The following ICA1 variants were observed in gnomAD, a reference collection of about 807,000 sequenced individuals.
ICA1 encodes 69 kDa islet cell autoantigen.
ICA1 carries 40 observed loss-of-function variants against 71.0 expected under a neutral mutation model. That is an observed-to-expected ratio of 0.56 (90% CI 0.44 to 0.73). The LOEUF (loss-of-function observed/expected upper bound fraction) is 0.73. ICA1 is among the 30% of genes least tolerant of loss of function. The pLI is 0.00. For missense variants in ICA1, 578 were observed against 576.5 expected, an observed-to-expected ratio of 1.00 and a Z score of -0.03; for synonymous variants, 207 against 209.5, an observed-to-expected ratio of 0.99 and a Z score of 0.10.
At chr7:8,221,734 G>A (rs1252790806) in intron 4 of ICA1, among the ~76,000 whole-genome samples, 2 of 152,192 alleles carry the variant, frequency 1.3e-5, no homozygotes, top group African/African-American at 4.8e-5. Flanking sequence ...TGTCAAGTAT[G>A]ACTGTGGGAA....
At chr7:8,127,367 C>T (rs530045425) in intron 13 of ICA1, among the ~76,000 whole-genome samples, 7 of 151,972 alleles carry the variant, frequency 4.6e-5, no homozygotes, top group African/African-American at 1.4e-4. Context: ...CCCTGTGTTT[C>T]GGGCAGAACC....
intron 1 of ICA1, among the ~76,000 whole-genome samples, chr7:8,237,357 G>T (rs1196488686): frequency 2.0e-5 from 3 of 152,090 alleles, no homozygotes; most frequent in Admixed American, 1.3e-4. Flanking sequence ...TAAAAAGAGG[G>T]TGTTCAAAGG....
At chr7:8,170,543 A>G (rs1421074712) in intron 6 of ICA1, among the ~76,000 whole-genome samples, 2 of 151,988 alleles carry the variant, frequency 1.3e-5, no homozygotes, top group Non-Finnish European at 2.9e-5. Flanking sequence ...GGTCTTGCAT[A>G]TATTTTGTTA....
At chr7:8,154,428 G>A (rs765055638) in intron 8 of ICA1, among the ~76,000 whole-genome samples, 1 of 152,122 alleles carries the variant, frequency 6.6e-6, no homozygotes, top group Non-Finnish European at 1.5e-5. Flanking sequence ...CTAACAGTCA[G>A]GAAATACAGC....
chr7:8,192,324 G>A (rs779456684), intron 6 of ICA1, among the ~76,000 whole-genome samples: 16 of 152,144 alleles, frequency 1.1e-4, no homozygotes, highest in Non-Finnish European at 2.1e-4. Flanking sequence ...GTATTTTAGA[G>A]AGTGTTCCAC....
chr7:8,256,915 T>C (rs1810426772), intron 1 of ICA1, among the ~76,000 whole-genome samples: 1 of 152,254 alleles, frequency 6.6e-6, no homozygotes, highest in Non-Finnish European at 1.5e-5. Context: ...CCACACATTA[T>C]GAAGGGGATA....
intron 12 of ICA1, among the ~76,000 whole-genome samples, chr7:8,134,505 C>G (rs888168585): frequency 6.6e-6 from 1 of 152,154 alleles, no homozygotes; most frequent in African/African-American, 2.4e-5. Context: ...CCTTCATCTG[C>G]GTGTGAAACA....
At position 8,180,349 on chromosome 7, in the gene ICA1, A is replaced by G. The variant is rs111240284; in HGVS notation, c.580-21697T>C. Among the ~76,000 whole-genome samples the G allele has an allele frequency of 2.1e-3, 318 of 152,268 alleles. 3 individuals are homozygous for G. Among genetic ancestry groups the G allele is most frequent in the African/African-American group, 6.8e-3 (284 of 41,560 alleles). On this transcript the variant is annotated intron_variant, in intron 6 of 13. Transcript: ENST00000402384. ...ACAGTCATCCATAGTACTGCAATAT[A>G]GTAACAGTTCGTTCTTTTTCATTAC...
chr7:8,115,959 T>C (rs1489170962), intron 13 of ICA1, among the ~76,000 whole-genome samples: 2 of 152,240 alleles, frequency 1.3e-5, no homozygotes, highest in Non-Finnish European at 2.9e-5. Context: ...CATACCTTGG[T>C]ATTTCCAACC....
Position 8,255,869 on chromosome 7 carries a change from G to C in ICA1, c.-80+6225C>G, listed in dbSNP as rs548207641. Among the ~76,000 whole-genome samples the C allele has an allele frequency of 1.7e-3, 250 of 148,556 alleles. 1 individual carries two copies. The highest frequency in any genetic ancestry group is 6.1e-3 in the African/African-American group (237 of 39,164). ...GACTCACTGCAGCCCTGACCTGCTG[G>C]GCTCAAGCAATCCTCTTACTTAGCC... On this transcript the variant is annotated intron_variant, in intron 1 of 13. Coordinates refer to ENST00000402384, the MANE Select transcript of ICA1 (RefSeq NM_001136020.3).
intron 5 of ICA1, among the ~76,000 whole-genome samples, chr7:8,220,396 G>A (rs986643588): frequency 2.0e-5 from 3 of 152,168 alleles, no homozygotes; most frequent in African/African-American, 7.2e-5. Flanking sequence ...TGGCCCACAC[G>A]GAGGGAAAGC....
chr7:8,149,474 C>T (rs1343581255), intron 8 of ICA1, among the ~76,000 whole-genome samples: 2 of 152,196 alleles, frequency 1.3e-5, no homozygotes, highest in African/African-American at 4.8e-5. Context: ...AGAGGAAACT[C>T]GCAGATCGAG....
chr7:8,136,849 A>G (rs1191969561), intron 12 of ICA1, among the ~76,000 whole-genome samples: 1 of 152,212 alleles, frequency 6.6e-6, no homozygotes, highest in African/African-American at 2.4e-5. Context: ...ATGAAATATG[A>G]AAGTTGTTTT....
Position 8,246,849 on chromosome 7 carries a change from C to T in ICA1, c.-79-10844G>A, listed in dbSNP as rs982663934. On this transcript the variant is annotated intron_variant, in intron 1 of 13. Transcript: ENST00000402384. ...ACAACCTCTGCCTCCTGGGTTCAAG[C>T]GATTCTCTTGCCTCAGCCTCCCGAG... Among the ~76,000 whole-genome samples the T allele has an allele frequency of 5.3e-5, 8 of 152,164 alleles. No homozygotes were observed. The South Asian group carries it at 6.2e-4, about 12-fold the overall frequency.
chr7:8,154,987 G>A (rs1009388859), intron 8 of ICA1, among the ~76,000 whole-genome samples: 1 of 152,052 alleles, frequency 6.6e-6, no homozygotes, highest in Non-Finnish European at 1.5e-5. Flanking sequence ...TAAAAGTAAT[G>A]GAAAAACCCG....
chr7:8,187,235 A>G (rs1784185562), intron 6 of ICA1, among the ~76,000 whole-genome samples: 1 of 152,240 alleles, frequency 6.6e-6, no homozygotes, highest in African/African-American at 2.4e-5. Flanking sequence ...ATTACAAAGC[A>G]TTATATTACA....
chr7:8,220,932 A>C (rs1796853435), intron 5 of ICA1, among the ~76,000 whole-genome samples: 1 of 152,112 alleles, frequency 6.6e-6, no homozygotes. Flanking sequence ...TCCTGCTTTA[A>C]TCAGCTGCTG....
chr7:8,225,090 A>T (rs1373933773), intron 4 of ICA1, among the ~76,000 whole-genome samples: 4 of 152,094 alleles, frequency 2.6e-5, no homozygotes, highest in Non-Finnish European at 5.9e-5. Flanking sequence ...TCTTCGGGGG[A>T]ATACATGAGA....
In ICA1 at chr7:8,226,278, G is replaced by C. The variant is rs1411617096; in HGVS notation, c.256+2323C>G. Among the ~76,000 whole-genome samples the C allele has an allele frequency of 5.9e-5, 9 of 151,920 alleles. No homozygotes were observed. The highest frequency in any genetic ancestry group is 1.7e-4 in the African/African-American group (7 of 41,312). On this transcript the variant is annotated intron_variant, in intron 4 of 13. Coordinates refer to ENST00000402384, the MANE Select transcript of ICA1 (RefSeq NM_001136020.3). This position sits in a 1 kb window ranked among gnomAD's most constrained non-coding sequence, Gnocchi z 4.4. ...ACTCCTCATCCACCACTGGTATCCA[G>C]TCTCTTTCGTTTCTGGTTTATCCTT...
Sources: allele counts gnomAD v4.1 joint callset (sites outside exome capture counted in the v4.1 genomes callset), GRCh38; gene constraint gnomAD v4.1.1; non-coding constraint Gnocchi (gnomAD v3.1); transcripts MANE v1.5; gene names NCBI Gene and HGNC (gene_info 2026-07-23, HGNC 2026-07-21).